The following CLMN variants were observed in gnomAD, a reference collection of about 807,000 sequenced individuals.
CLMN encodes calmin (calponin-like, transmembrane).
Under a neutral mutation model 92.7 loss-of-function variants are expected in CLMN, and 57 were observed. The ratio of observed to expected loss-of-function variants is 0.61; its 90% CI spans 0.50 to 0.77. The LOEUF (loss-of-function observed/expected upper bound fraction) is 0.77. Among genes scored for constraint, CLMN ranks in the 30% least tolerant of loss-of-function variants. The probability of loss-of-function intolerance (pLI) is 0.00; values close to 1 mark genes in which losing one functional copy is unlikely to be tolerated. For missense variants in CLMN, 1,158 were observed against 1,237.5 expected (o/e 0.94, Z 0.96); for synonymous variants, 466 against 470.6 (o/e 0.99, Z 0.13).
At chr14:95,206,699 G>C (rs1036997543) in intron 8 of CLMN, among the ~76,000 whole-genome samples, 4 of 152,232 alleles carry the variant, frequency 2.6e-5, no homozygotes, top group Admixed American at 1.3e-4. Flanking sequence ...CTGTGAACCA[G>C]AATGACTTTC....
chr14:95,275,345 C>G (rs1274893110), intron 1 of CLMN, among the ~76,000 whole-genome samples: 1 of 152,112 alleles, frequency 6.6e-6, no homozygotes, highest in Non-Finnish European at 1.5e-5. Context: ...TTGGCCAAAA[C>G]CTCCCCAAAC....
chr14:95,290,074 A>C (rs1164243978), intron 1 of CLMN, among the ~76,000 whole-genome samples: 1 of 152,262 alleles, frequency 6.6e-6, no homozygotes, highest in Non-Finnish European at 1.5e-5. Flanking sequence ...TTTAAAAAAG[A>C]AAAGCTCCTT....
intron 4 of CLMN, 117 bp from the exon 5 acceptor site, chr14:95,215,850 TGTGTGTG>T: frequency 1.6e-6 from 1 of 620,572 alleles, no homozygotes; most frequent in Non-Finnish European, 2.9e-6. Context: ...TGTGTGTGTG[TGTGTGTG>T]TGTTTGCATG....
intron 1 of CLMN, among the ~76,000 whole-genome samples, chr14:95,261,947 T>C (rs970496172): frequency 6.6e-6 from 1 of 152,216 alleles, no homozygotes; most frequent in Non-Finnish European, 1.5e-5. Flanking sequence ...CCCAGATGCC[T>C]GTCCTGGAAA....
chr14:95,214,760 T>C (rs547911979), intron 5 of CLMN, among the ~76,000 whole-genome samples: 3 of 152,038 alleles, frequency 2.0e-5, no homozygotes, highest in South Asian at 4.2e-4. Context: ...TTTAAGTTCA[T>C]GGTTCACTCA....
intron 1 of CLMN, among the ~76,000 whole-genome samples, chr14:95,308,890 G>C (rs1317494246): frequency 6.6e-6 from 1 of 152,102 alleles, no homozygotes; most frequent in African/African-American, 2.4e-5. Context: ...AATATTACTG[G>C]AATGTCTGAT....
chr14:95,254,681 T>C lies in CLMN; in HGVS notation c.83-24548A>G, dbSNP rs143440007. Among the ~76,000 whole-genome samples, 990 of 152,248 alleles carry C rather than the reference T, an allele frequency of 6.5e-3. 19 individuals carry two copies. The highest frequency in any genetic ancestry group is 0.023 in the African/African-American group (947 of 41,542). Reference sequence around the variant, plus strand: ...AACCCAAGGAGCCAGAATGTGACAATACTATTCAAGATAGGATCTTTTTAA... The same window carrying C: ...AACCCAAGGAGCCAGAATGTGACAACACTATTCAAGATAGGATCTTTTTAA... On this transcript the variant is annotated intron_variant, in intron 1 of 12. Coordinates refer to ENST00000298912, the MANE Select transcript of CLMN (RefSeq NM_024734.4).
chr14:95,276,661 C>T (rs981274863), intron 1 of CLMN, among the ~76,000 whole-genome samples: 2 of 152,102 alleles, frequency 1.3e-5, no homozygotes, highest in African/African-American at 4.8e-5. Flanking sequence ...CAACTGTCCA[C>T]TTCTCCATCT....
chr14:95,215,850 TG>T, intron 4 of CLMN, 117 bp from the exon 5 acceptor site: 1 of 620,566 alleles, frequency 1.6e-6, no homozygotes, highest in East Asian at 2.8e-5. Context: ...TGTGTGTGTG[TG>T]TGTGTGTGTT....
chr14:95,286,296 T>C (rs1167530776), intron 1 of CLMN, among the ~76,000 whole-genome samples: 2 of 152,242 alleles, frequency 1.3e-5, no homozygotes, highest in Admixed American at 6.5e-5. Context: ...AATGGAATAT[T>C]ATTTAGCCAT....
intron 3 of CLMN, chr14:95,222,304 GAGAA>G (rs1897569593): frequency 4.2e-6 from 1 of 237,724 alleles, no homozygotes; most frequent in East Asian, 1.2e-4. Context: ...GGTCGAAAGA[GAGAA>G]AGAGAGAGAA....
At chr14:95,273,691 G>A (rs115474466) in intron 1 of CLMN, among the ~76,000 whole-genome samples, 1,976 of 152,314 alleles carry the variant, frequency 0.013, 48 homozygotes, top group African/African-American at 0.044. Flanking sequence ...CATTAGGGGA[G>A]GTGAAGAAAG....
In CLMN at chr14:95,256,776, A is replaced by G. The variant is rs184683981; in HGVS notation, c.83-26643T>C. Among the ~76,000 whole-genome samples, 17 of 152,326 alleles carry G rather than the reference A, an allele frequency of 1.1e-4. No homozygotes were observed. The highest frequency in any genetic ancestry group is 3.8e-4 in the African/African-American group (16 of 41,580). ...CTGGTCCACATTGCACCGGGAAAAC[A>G]GACATGGGGAAACTGGGGATGGCAG... On this transcript the variant is annotated intron_variant, in intron 1 of 12. Transcript: ENST00000298912. This position sits in a 1 kb window ranked among gnomAD's most constrained non-coding sequence, Gnocchi z 4.9.
chr14:95,193,087 G>A (rs1273285657), intron 12 of CLMN: 3 of 467,924 alleles, frequency 6.4e-6, no homozygotes, highest in African/African-American at 2.0e-5. Context: ...AGAGGCTTCC[G>A]ATTCCAGTAA....
In CLMN at chr14:95,186,258, C is replaced by G. The variant is rs2140548383; in HGVS notation, c.*5306G>C. The stretch of plus-strand genomic sequence containing the variant: ...ACAACACAGGCTGCCCCCAGTGCCT[C>G]TGCCTTCCCTCTGTTCCATCCTGAT... On this transcript the variant is annotated 3_prime_UTR_variant, in exon 13 of 13. Coordinates refer to ENST00000298912, the MANE Select transcript of CLMN (RefSeq NM_024734.4). The G allele has an allele frequency of 6.6e-6, 1 of 152,530 alleles. No individual in the cohort carries two copies. The highest frequency in any genetic ancestry group is 2.4e-5 in the African/African-American group (1 of 41,592). The allele number at this position is 152,530 out of a possible 1,614,324, so 9.4% of individuals were successfully genotyped here.
intron 1 of CLMN, among the ~76,000 whole-genome samples, chr14:95,247,630 T>C (rs1438945088): frequency 6.6e-6 from 1 of 152,112 alleles, no homozygotes; most frequent in Non-Finnish European, 1.5e-5. Context: ...GACCCACTTT[T>C]GTATAAGGAT....
chr14:95,258,827 T>C (rs1899128381), intron 1 of CLMN, among the ~76,000 whole-genome samples: 2 of 149,288 alleles, frequency 1.3e-5, no homozygotes, highest in Non-Finnish European at 1.5e-5. Context: ...GGTGTGTTTG[T>C]GTGTGGTATG....
chr14:95,268,640 A>G (rs1460230195), intron 1 of CLMN, among the ~76,000 whole-genome samples: 1 of 152,172 alleles, frequency 6.6e-6, no homozygotes, highest in Non-Finnish European at 1.5e-5. Context: ...ACACAAGCAC[A>G]TAGATGAGTC....
At chr14:95,272,556 G>GT (rs1382869404) in intron 1 of CLMN, among the ~76,000 whole-genome samples, 1 of 152,226 alleles carries the variant, frequency 6.6e-6, no homozygotes, top group Non-Finnish European at 1.5e-5. Context: ...GACATCTGGA[G>GT]TAACATTCAA....
Sources: allele counts gnomAD v4.1 joint callset (sites outside exome capture counted in the v4.1 genomes callset), GRCh38; gene constraint gnomAD v4.1.1; non-coding constraint Gnocchi (gnomAD v3.1); transcripts MANE v1.5; gene names NCBI Gene and HGNC (gene_info 2026-07-23, HGNC 2026-07-21).